GABRG2: variants seen among roughly 807,000 people sequenced by gnomAD.
GABRG2 encodes gamma-aminobutyric acid type A receptor subunit gamma2, also known as gamma-aminobutyric acid receptor subunit gamma-2.
GABRG2 carries 16 observed loss-of-function variants against 56.4 expected under a neutral mutation model. That is an observed-to-expected ratio of 0.28 (90% CI 0.19 to 0.43). GABRG2 has a LOEUF of 0.43. Ranked by LOEUF, GABRG2 falls within the 20% of genes least tolerant of loss-of-function variation. GABRG2 has a pLI of 1.00. For synonymous variants in GABRG2, 208 were observed against 205.5 expected, an observed-to-expected ratio of 1.01 and a Z score of -0.10; for missense variants, 327 against 582.7, an observed-to-expected ratio of 0.56 and a Z score of 4.52.
chr5:162,095,204 G>A (rs191513575), intron 2 of GABRG2, among the ~76,000 whole-genome samples: 1 of 152,240 alleles, frequency 6.6e-6, no homozygotes, highest in African/African-American at 2.4e-5. Flanking sequence ...GAAAGATGGA[G>A]AAAAGCTAAG....
At chr5:162,144,250 G>A (rs1355057151) in intron 7 of GABRG2, among the ~76,000 whole-genome samples, 1 of 152,074 alleles carries the variant, frequency 6.6e-6, no homozygotes, top group African/African-American at 2.4e-5. Flanking sequence ...CTTATGTATG[G>A]CTGGAGCAAA....
intron 1 of GABRG2, among the ~76,000 whole-genome samples, chr5:162,090,308 ACATACACATACACATAC>A (rs1305732871): frequency 1.4e-5 from 2 of 140,212 alleles, no homozygotes; most frequent in African/African-American, 5.3e-5. Flanking sequence ...ATAGACATAC[ACATACACATACACATAC>A]CATACACATA....
Position 162,097,635 on chromosome 5 carries a change from C to T in GABRG2, c.328-3C>T. 1.3e-6 allele frequency: 2 copies of T among 1,598,276 alleles called. No homozygotes were observed. The highest frequency in any genetic ancestry group is 1.3e-5 in the African/African-American group (1 of 74,620). ...TTTTCTGTTTATCATTTTATTAAAA[C>T]AGGAATACACTATTGATATATTTTT... On this transcript the variant is annotated splice_region_variant and splice_polypyrimidine_tract_variant and intron_variant, in intron 3 of 9. Coordinates refer to ENST00000639213, the MANE Select transcript of GABRG2 (RefSeq NM_198904.4).
intron 6 of GABRG2, among the ~76,000 whole-genome samples, chr5:162,118,202 AT>A (rs1762751790): frequency 9.1e-6 from 1 of 110,052 alleles, no homozygotes; most frequent in South Asian, 3.4e-4. Context: ...AGAGGTTCTG[AT>A]GGTGTGTGTG....
chr5:162,129,315 G>A (rs1763553157), intron 6 of GABRG2: 1 of 151,922 alleles, frequency 6.6e-6, no homozygotes. Flanking sequence ...AGAAAAGGGA[G>A]AGTTTGTTTT....
chr5:162,114,413 T>G (rs1022192152), intron 6 of GABRG2, among the ~76,000 whole-genome samples: 1 of 152,084 alleles, frequency 6.6e-6, no homozygotes, highest in African/African-American at 2.4e-5. Flanking sequence ...ATTTTATCTT[T>G]TAAAATAAAA....
At chr5:162,108,317 G>A (rs570739819) in intron 6 of GABRG2, among the ~76,000 whole-genome samples, 2 of 152,266 alleles carry the variant, frequency 1.3e-5, no homozygotes, top group African/African-American at 4.8e-5. Flanking sequence ...ATTGTTTCTA[G>A]TATATAAGAA....
chr5:162,135,336 T>C (rs1764046162), intron 6 of GABRG2, among the ~76,000 whole-genome samples: 1 of 152,152 alleles, frequency 6.6e-6, no homozygotes, highest in African/African-American at 2.4e-5. Flanking sequence ...AATGTAAAAG[T>C]TTAATATCTT....
intron 4 of GABRG2, 190 bp downstream of exon 4, chr5:162,098,048 T>A: frequency 1.7e-6 from 1 of 600,368 alleles, no homozygotes; most frequent in Non-Finnish European, 2.9e-6. Context: ...ATGAGCTTTT[T>A]CAAAGCACTA....
At chr5:162,117,913 G>A (rs1218196867) in intron 6 of GABRG2, among the ~76,000 whole-genome samples, 1 of 152,114 alleles carries the variant, frequency 6.6e-6, no homozygotes, top group Non-Finnish European at 1.5e-5. Context: ...AGATGCTAAA[G>A]CCAACTTTTG....
chr5:162,085,558 CTTTTTTTTTTT>C (rs1760018201), intron 1 of GABRG2, among the ~76,000 whole-genome samples: 2 of 135,470 alleles, frequency 1.5e-5, no homozygotes, highest in Non-Finnish European at 3.2e-5. Flanking sequence ...TTTTTTTCTT[CTTTTTTTTTTT>C]ACTTTTTTTT....
chr5:162,120,613 C>A (rs1211353922), intron 6 of GABRG2, among the ~76,000 whole-genome samples: 1 of 152,044 alleles, frequency 6.6e-6, no homozygotes, highest in Non-Finnish European at 1.5e-5. Context: ...AGCTCTCATG[C>A]CACCTCTGCA....
Position 162,147,858 on chromosome 5 carries a change from G to A in GABRG2, c.923-1250G>A, listed in dbSNP as rs917463256. On this transcript the variant is annotated intron_variant, in intron 7 of 9. Transcript: ENST00000639213. ...AAAAGTTGGGATTATTGCTTTTAGA[G>A]TACAGAAAGATGCCTCCACTCAGGA... Among the ~76,000 whole-genome samples the A allele has an allele frequency of 3.7e-4, 57 of 152,132 alleles. 1 individual carries two copies. Among genetic ancestry groups the A allele is most frequent in the African/African-American group, 1.3e-3 (54 of 41,426 alleles).
At chr5:162,116,440 A>G (rs1037981525) in intron 6 of GABRG2, among the ~76,000 whole-genome samples, 4 of 148,470 alleles carry the variant, frequency 2.7e-5, no homozygotes, top group African/African-American at 9.8e-5. Context: ...TATCATTCTC[A>G]TAGCCAAAAG....
intron 1 of GABRG2, among the ~76,000 whole-genome samples, chr5:162,080,812 G>A (rs1446349393): frequency 3.3e-5 from 5 of 151,996 alleles, no homozygotes; most frequent in African/African-American, 4.8e-5. Context: ...AAATCTTAGC[G>A]AGACCAAGAA....
chr5:162,125,481 CA>C (rs907357755), intron 6 of GABRG2, among the ~76,000 whole-genome samples: 13 of 143,406 alleles, frequency 9.1e-5, no homozygotes, highest in Non-Finnish European at 4.4e-5. Context: ...ATGTAGATAG[CA>C]GCTTCACTTT....
At chr5:162,123,665 G>C (rs1364575951) in intron 6 of GABRG2, among the ~76,000 whole-genome samples, 1 of 151,818 alleles carries the variant, frequency 6.6e-6, no homozygotes, top group African/African-American at 2.4e-5. Context: ...GTCAGGATCT[G>C]AGCTAAGTGT....
At chr5:162,092,104 G>T (rs1760647760) in intron 1 of GABRG2, among the ~76,000 whole-genome samples, 1 of 152,058 alleles carries the variant, frequency 6.6e-6, no homozygotes, top group Non-Finnish European at 1.5e-5. Context: ...TTGGGTCAGA[G>T]GATTAAAGCT....
chr5:162,115,675 C>T (rs1762566512), intron 6 of GABRG2, among the ~76,000 whole-genome samples: 1 of 152,130 alleles, frequency 6.6e-6, no homozygotes, highest in African/African-American at 2.4e-5. Context: ...GGAAAAGATA[C>T]TCAGGTCTTC....
Sources: allele counts gnomAD v4.1 joint callset (sites outside exome capture counted in the v4.1 genomes callset), GRCh38; gene constraint gnomAD v4.1.1; transcripts MANE v1.5; gene names NCBI Gene and HGNC (gene_info 2026-07-23, HGNC 2026-07-21).